PTPRG: variants seen among roughly 807,000 people sequenced by gnomAD.
PTPRG encodes receptor-type tyrosine-protein phosphatase gamma.
Under a neutral mutation model 165.3 loss-of-function variants are expected in PTPRG, and 102 were observed. The observed-to-expected ratio is 0.62, with a 90% CI of 0.53 to 0.73. The LOEUF is 0.73. Among genes scored for constraint, PTPRG ranks in the 30% least tolerant of loss-of-function variants. PTPRG has a pLI of 0.00. For synonymous variants in PTPRG, 675 were observed against 669.5 expected (o/e 1.01, Z -0.13); for missense variants, 1,866 against 1,861.4 (o/e 1.00, Z -0.05).
intron 2 of PTPRG, among the ~76,000 whole-genome samples, chr3:61,768,767 G>C (rs989890326): frequency 6.6e-6 from 1 of 151,942 alleles, no homozygotes; most frequent in Admixed American, 6.6e-5. Flanking sequence ...ATAGTTGTGT[G>C]GGGGAGGGTG....
intron 5 of PTPRG, among the ~76,000 whole-genome samples, chr3:62,099,103 T>C (rs1168127093): frequency 2.6e-5 from 4 of 152,214 alleles, no homozygotes; most frequent in Non-Finnish European, 5.9e-5. Context: ...GAAATTCCCA[T>C]GTTTAGGAAT....
intron 5 of PTPRG, among the ~76,000 whole-genome samples, chr3:62,102,791 G>A (rs1026204532): frequency 2.0e-5 from 3 of 152,164 alleles, no homozygotes; most frequent in African/African-American, 7.2e-5. Flanking sequence ...CCCATATCAG[G>A]AGCATTGGTT....
chr3:61,798,364 A>G (rs2035121762), intron 2 of PTPRG, among the ~76,000 whole-genome samples: 1 of 152,204 alleles, frequency 6.6e-6, no homozygotes, highest in Non-Finnish European at 1.5e-5. Context: ...TGTGACAGTA[A>G]ATGACAACTA....
intron 2 of PTPRG, among the ~76,000 whole-genome samples, chr3:61,924,850 C>T (rs1046120011): frequency 6.6e-6 from 1 of 152,162 alleles, no homozygotes; most frequent in Non-Finnish European, 1.5e-5. Flanking sequence ...TATACTGAAG[C>T]CTTGCTCCCC....
At chr3:61,677,574 T>C (rs918992375) in intron 1 of PTPRG, among the ~76,000 whole-genome samples, 4 of 152,230 alleles carry the variant, frequency 2.6e-5, no homozygotes, top group Admixed American at 2.6e-4. Context: ...AATGTGTGCA[T>C]ATAAAAGCCA....
At chr3:62,032,804 G>A (rs1488138857) in intron 4 of PTPRG, among the ~76,000 whole-genome samples, 1 of 152,150 alleles carries the variant, frequency 6.6e-6, no homozygotes, top group Non-Finnish European at 1.5e-5. Context: ...GAAAAATCAT[G>A]ACGCCTCTTC....
At chr3:62,192,697 C>T (rs1044339921) in intron 9 of PTPRG, among the ~76,000 whole-genome samples, 1 of 152,120 alleles carries the variant, frequency 6.6e-6, no homozygotes, top group African/African-American at 2.4e-5. Context: ...AGGCGTGAGC[C>T]ACTGCGCCCA....
intron 5 of PTPRG, chr3:62,124,516 G>C: frequency 6.4e-7 from 1 of 1,567,226 alleles, no homozygotes; most frequent in Admixed American, 1.7e-5. Flanking sequence ...GGCTCATCAG[G>C]TCATCCACCG....
rs72878413 is a variant in PTPRG at position 61,691,627 on chromosome 3, G to T, written c.86-57251G>T. Among the ~76,000 whole-genome samples the T allele has an allele frequency of 5.7e-3, 861 of 152,272 alleles. 13 individuals are homozygous for T. The highest frequency in any genetic ancestry group is 0.02 in the African/African-American group (827 of 41,546). Reference sequence around the variant, plus strand: ...ACAGAGGGTGACCATTGCGTTTTGTGTACATCTGTGTATTGTCCTGATCTC... The same window carrying T: ...ACAGAGGGTGACCATTGCGTTTTGTTTACATCTGTGTATTGTCCTGATCTC... On this transcript the variant is annotated intron_variant, in intron 1 of 29. Transcript: ENST00000474889.
chr3:61,749,329 T>A (rs1258013476), intron 2 of PTPRG: 4 of 379,034 alleles, frequency 1.1e-5, no homozygotes, highest in Non-Finnish European at 1.5e-5. Context: ...AATATATGGC[T>A]AGTCTTGAGC....
At chr3:62,250,288 C>G (rs1701382511) in intron 15 of PTPRG, among the ~76,000 whole-genome samples, 1 of 152,170 alleles carries the variant, frequency 6.6e-6, no homozygotes, top group South Asian at 2.1e-4. Context: ...GGCTTTTCCA[C>G]TTATACCGCT....
At chr3:62,276,488 T>C (rs1476866975) in intron 24 of PTPRG, 1 of 161,748 alleles carries the variant, frequency 6.2e-6, no homozygotes, top group Non-Finnish European at 1.3e-5. Flanking sequence ...CTAAGGACAT[T>C]GCAGAGGATG....
intron 1 of PTPRG, among the ~76,000 whole-genome samples, chr3:61,576,013 A>G (rs926033200): frequency 1.3e-5 from 2 of 152,206 alleles, no homozygotes; most frequent in African/African-American, 2.4e-5. Flanking sequence ...AACGAATGCT[A>G]TGCCACTGTT....
chr3:61,577,182 A>C (rs1316974521), intron 1 of PTPRG, among the ~76,000 whole-genome samples: 1 of 152,198 alleles, frequency 6.6e-6, no homozygotes, highest in East Asian at 1.9e-4. Context: ...TATTTTTGAT[A>C]AGGAAATTGA....
intron 1 of PTPRG, among the ~76,000 whole-genome samples, chr3:61,618,551 C>CT (rs1292772251): frequency 3.3e-5 from 5 of 152,046 alleles, no homozygotes; most frequent in Non-Finnish European, 7.4e-5. Context: ...TAAAAATTGT[C>CT]TTTTTTAGTA....
At chr3:62,076,401 A>G (rs908900495) in intron 4 of PTPRG, among the ~76,000 whole-genome samples, 27 of 152,208 alleles carry the variant, frequency 1.8e-4, no homozygotes, top group African/African-American at 6.5e-4. Flanking sequence ...GAGCCTCACA[A>G]TTAGCCCAGT....
intron 1 of PTPRG, among the ~76,000 whole-genome samples, chr3:61,723,650 C>T (rs981059012): frequency 2.6e-5 from 4 of 152,100 alleles, no homozygotes; most frequent in Admixed American, 6.5e-5. Flanking sequence ...TAGTACAGAG[C>T]GGTCCCATAT....
At chr3:61,679,741 G>C (rs1042447547) in intron 1 of PTPRG, among the ~76,000 whole-genome samples, 1 of 152,040 alleles carries the variant, frequency 6.6e-6, no homozygotes. Flanking sequence ...AGATCATGCC[G>C]TTGCACTGCA....
At chr3:62,196,470 C>A (rs1031823228) in intron 10 of PTPRG, among the ~76,000 whole-genome samples, 1 of 152,104 alleles carries the variant, frequency 6.6e-6, no homozygotes, top group Non-Finnish European at 1.5e-5. Context: ...GTAAAAATCT[C>A]ATGAATAAAA....
Sources: gnomAD v4.1 joint callset for allele counts (sites outside exome capture counted in the v4.1 genomes callset) on GRCh38, gnomAD v4.1.1 for gene constraint, MANE v1.5 for transcripts, NCBI Gene and HGNC (gene_info 2026-07-23, HGNC 2026-07-21) for gene names.